Variants in ME2 observed in about 807,000 individuals in gnomAD.
ME2 encodes the protein malic enzyme 2, also known as NAD-dependent malic enzyme, mitochondrial.
In ME2, 60 loss-of-function variants were observed where a neutral mutation model predicts 73.7. The ratio of observed to expected loss-of-function variants is 0.81; its 90% CI spans 0.66 to 1.01. ME2 has a LOEUF of 1.01. Among genes scored for constraint, ME2 ranks in the 50% least tolerant of loss-of-function variants. ME2 has a pLI of 0.00. For synonymous variants in ME2, 199 were observed against 236.9 expected (o/e 0.84, Z 1.47); for missense variants, 594 against 705.5 (o/e 0.84, Z 1.79).
chr18:50,926,551 GT>G (rs1285389514), intron 12 of ME2, among the ~76,000 whole-genome samples: 1 of 151,924 alleles, frequency 6.6e-6, no homozygotes, highest in Non-Finnish European at 1.5e-5. Flanking sequence ...TCTGTTTTTG[GT>G]TTTTGTTTTT....
At chr18:50,943,812 G>A (rs116261215) in intron 15 of ME2, among the ~76,000 whole-genome samples, 3,036 of 152,216 alleles carry the variant, frequency 0.02, 49 homozygotes, top group African/African-American at 0.04. Context: ...ACCTTCTACT[G>A]CAAAACAGTT....
At chr18:50,917,218 A>T in intron 5 of ME2, 129 bp from the exon 6 acceptor site, 1 of 681,630 alleles carries the variant, frequency 1.5e-6, no homozygotes, top group Non-Finnish European at 2.4e-6. Flanking sequence ...ATTGGAAATT[A>T]GCCAAGAAAC....
chr18:50,899,767 A>G (rs1599094415), intron 2 of ME2, among the ~76,000 whole-genome samples: 1 of 152,172 alleles, frequency 6.6e-6, no homozygotes, highest in South Asian at 2.1e-4. Flanking sequence ...ACTTCTGTCA[A>G]TACCATGTAT....
rs368161371 is a variant in ME2 at position 50,927,721 on chromosome 18, C to CATATATATATATATAT, written c.1314+1839_1314+1854dup. ...CATCTCAAAAAAAACCCCAAAAAAC[C>CATATATATATATATAT]ATATATATATATATATATATATATA... On this transcript the variant is annotated intron_variant, in intron 12 of 15. Coordinates refer to ENST00000321341, the MANE Select transcript of ME2 (RefSeq NM_002396.5). Among the ~76,000 whole-genome samples the CATATATATATATATAT allele has an allele frequency of 3.2e-3, 273 of 85,382 alleles. 3 individuals are homozygous for CATATATATATATATAT. Among genetic ancestry groups the CATATATATATATATAT allele is most frequent in the South Asian group, 8.6e-3 (15 of 1,746 alleles). The allele number at this position is 85,382 out of a possible 152,430, so 56.0% of individuals were successfully genotyped here.
Position 50,951,141 on chromosome 18 carries a change from G to T in ME2, c.*3957G>T, listed in dbSNP as rs915355680. The T allele has an allele frequency of 6.6e-6, 1 of 152,122 alleles. No individual in the cohort carries two copies. The highest frequency in any genetic ancestry group is 2.4e-5 in the African/African-American group (1 of 41,422). The allele number at this position is 152,122 out of a possible 1,614,324, so 9.4% of individuals were successfully genotyped here. On this transcript the variant is annotated 3_prime_UTR_variant, in exon 16 of 16. Transcript: ENST00000321341. ...ACCAATTTTCATTTGTAAAAGATTA[G>T]CTATCAAATGGACATTTATTTCTCT...
At chr18:50,932,395 A>G (rs773538153) in intron 13 of ME2, 35 bp downstream of exon 13, 2 of 1,495,006 alleles carry the variant, frequency 1.3e-6, no homozygotes, top group South Asian at 1.1e-5. Flanking sequence ...ATAGAGCAAT[A>G]GTTAATTATG....
At chr18:50,910,547 C>T (rs571186718) in intron 3 of ME2, among the ~76,000 whole-genome samples, 24 of 152,122 alleles carry the variant, frequency 1.6e-4, no homozygotes, top group African/African-American at 4.6e-4. Flanking sequence ...TGCCATTCTG[C>T]ACAGCAATGT....
At chr18:50,917,266 A>T in intron 5 of ME2, 81 bp from the exon 6 acceptor site, 1 of 1,093,250 alleles carries the variant, frequency 9.1e-7, no homozygotes, top group Non-Finnish European at 1.3e-6. Context: ...ATATATATGA[A>T]GTGAATCAAT....
intron 1 of ME2, among the ~76,000 whole-genome samples, chr18:50,887,827 G>A (rs1916508884): frequency 2.0e-5 from 3 of 152,174 alleles, no homozygotes; most frequent in African/African-American, 7.2e-5. Flanking sequence ...TGCCATGAAA[G>A]AGACTGAAAA....
At chr18:50,888,868 TA>T (rs74176790) in intron 1 of ME2, among the ~76,000 whole-genome samples, 11 of 152,172 alleles carry the variant, frequency 7.2e-5, no homozygotes, top group East Asian at 1.9e-4. Flanking sequence ...AGAGTGTCTT[TA>T]AAAAAAATTT....
At chr18:50,930,680 C>A (rs1329374869) in intron 12 of ME2, among the ~76,000 whole-genome samples, 3 of 152,138 alleles carry the variant, frequency 2.0e-5, no homozygotes, top group Non-Finnish European at 4.4e-5. Flanking sequence ...CTTACTGATA[C>A]CATGAGAACA....
intron 11 of ME2, among the ~76,000 whole-genome samples, chr18:50,924,666 C>G (rs565435716): frequency 6.6e-6 from 1 of 151,966 alleles, no homozygotes; most frequent in East Asian, 1.9e-4. Context: ...ATTTAATTTG[C>G]TGTATAGCTG....
At chr18:50,936,728 C>T (rs986110872) in intron 13 of ME2, among the ~76,000 whole-genome samples, 1 of 152,082 alleles carries the variant, frequency 6.6e-6, no homozygotes, top group African/African-American at 2.4e-5. Flanking sequence ...GAGTTTGAGA[C>T]TAGCCCTGGC....
rs757175835 is a variant in ME2, at chr18:50,951,866, CAAAAAAAAAAAAAAAAAAAAAA to C, written c.*4698_*4719del. ...TGGGCGACAGAGTGAGCCTCCATCT[CAAAAAAAAAAAAAAAAAAAAAA>C]AAAAAAAAAAAAAAATCTCCAGGGT... is the stretch of plus-strand genomic sequence containing the variant. On this transcript the variant is annotated 3_prime_UTR_variant, in exon 16 of 16. Coordinates refer to ENST00000321341, the MANE Select transcript of ME2 (RefSeq NM_002396.5). 8.4e-5 allele frequency: 6 copies of C among 71,342 alleles called. No homozygotes were observed. Among genetic ancestry groups the C allele is most frequent in the African/African-American group, 2.6e-4 (4 of 15,506 alleles). 4.4% of individuals were successfully genotyped at this position (71,342 alleles called of 1,614,324 possible).
chr18:50,880,392 T>A (rs1763076824), intron 1 of ME2, among the ~76,000 whole-genome samples: 1 of 152,234 alleles, frequency 6.6e-6, no homozygotes, highest in Non-Finnish European at 1.5e-5. Flanking sequence ...TCCTTAAGCA[T>A]TGCTCATGTT....
At chr18:50,941,125 G>A (rs965305883) in intron 15 of ME2, among the ~76,000 whole-genome samples, 4 of 151,430 alleles carry the variant, frequency 2.6e-5, no homozygotes, top group African/African-American at 9.7e-5. Flanking sequence ...GCCAGGCATG[G>A]TGGTGGGCAC....
chr18:50,927,749 T>TACAC (rs1270906261), intron 12 of ME2, among the ~76,000 whole-genome samples: 62 of 137,812 alleles, frequency 4.5e-4, no homozygotes, highest in African/African-American at 1.7e-3. Context: ...TATATATATA[T>TACAC]ATACACACCA....
Position 50,932,283 on chromosome 18 carries a change from G to T in ME2, c.1340G>T (p.Ser447Ile), listed in dbSNP as rs767833007. ...GGCAGGTGTTTGTTTGCCAGTGGCA[G>T]TCCATTTGGGCCAGTGAAACTTACA... ...TEGRCLFASG[S>I]PFGPVKLTDG... The change falls in exon 13 of 16, where the codon AGT (serine) becomes ATT (isoleucine). Residue 447 changes from serine to isoleucine, a missense_variant. Transcript: ENST00000321341. 6.2e-7 allele frequency: 1 copy of T among 1,612,058 alleles called. No individual in the cohort carries two copies. The highest frequency in any genetic ancestry group is 8.5e-7 in the Non-Finnish European group (1 of 1,178,702).
intron 6 of ME2, 139 bp downstream of exon 6, chr18:50,917,647 T>A (rs1917316584): frequency 2.1e-6 from 1 of 482,714 alleles, no homozygotes; most frequent in South Asian, 7.0e-5. Context: ...ACTTTTAATA[T>A]TTATATAAAT....
Sources: allele counts gnomAD v4.1 joint callset (sites outside exome capture counted in the v4.1 genomes callset), GRCh38; gene constraint gnomAD v4.1.1; transcripts MANE v1.5; gene names NCBI Gene and HGNC (gene_info 2026-07-23, HGNC 2026-07-21).